The following KLHL32 variants were observed in gnomAD, a reference collection of about 807,000 sequenced individuals.
KLHL32 encodes the protein kelch like family member 32, also known as kelch-like protein 32.
Under a neutral mutation model 64.8 loss-of-function variants are expected in KLHL32, and 35 were observed. The ratio of observed to expected loss-of-function variants is 0.54; its 90% CI spans 0.41 to 0.72. The LOEUF is 0.72. Among genes scored for constraint, KLHL32 ranks in the 30% least tolerant of loss-of-function variants. KLHL32 has a pLI of 0.00. For missense variants in KLHL32, 589 were observed against 768.5 expected, an observed-to-expected ratio of 0.77 and a Z score of 2.76; for synonymous variants, 259 against 281.0, an observed-to-expected ratio of 0.92 and a Z score of 0.78.
intron 10 of KLHL32, among the ~76,000 whole-genome samples, chr6:97,135,497 G>A (rs1050222287): frequency 1.3e-5 from 2 of 151,634 alleles, no homozygotes; most frequent in Admixed American, 6.6e-5. Context: ...TAGTAGACAC[G>A]GGGTTTCACC....
chr6:97,128,531 T>G (rs542813695), intron 8 of KLHL32, among the ~76,000 whole-genome samples: 1 of 152,358 alleles, frequency 6.6e-6, no homozygotes, highest in African/African-American at 2.4e-5. Flanking sequence ...CGGTGGGTAC[T>G]GGCAAACATC....
At chr6:96,967,270 A>G (rs1582512047) in intron 2 of KLHL32, among the ~76,000 whole-genome samples, 187 bp downstream of exon 2, 1 of 152,288 alleles carries the variant, frequency 6.6e-6, no homozygotes. Context: ...TTATTTGTCA[A>G]ACCTAAATAT....
intron 3 of KLHL32, among the ~76,000 whole-genome samples, chr6:97,004,179 A>C (rs896772971): frequency 5.3e-5 from 8 of 152,040 alleles, no homozygotes; most frequent in African/African-American, 1.9e-4. Flanking sequence ...TAAATCTTGT[A>C]GAGATCTTTC....
At chr6:97,024,043 T>C (rs1465969955) in intron 3 of KLHL32, among the ~76,000 whole-genome samples, 1 of 152,228 alleles carries the variant, frequency 6.6e-6, no homozygotes, top group Non-Finnish European at 1.5e-5. Context: ...CTGTTGTCTG[T>C]GAGTAGAAGT....
At chr6:96,900,043 T>G in the KLHL32 span, among the ~76,000 whole-genome samples, 1 of 152,136 alleles carries the variant, frequency 6.6e-6, no homozygotes, top group African/African-American at 2.4e-5. Context: ...TAAACAATTA[T>G]CAAATAAAGG....
chr6:97,099,749 A>T (rs1038825279), intron 6 of KLHL32, among the ~76,000 whole-genome samples: 1 of 151,840 alleles, frequency 6.6e-6, no homozygotes, highest in African/African-American at 2.4e-5. Context: ...GATTCCTTAC[A>T]TGCTTGATTT....
chr6:96,967,940 T>A (rs1418164174), intron 2 of KLHL32, among the ~76,000 whole-genome samples: 1 of 152,194 alleles, frequency 6.6e-6, no homozygotes, highest in Non-Finnish European at 1.5e-5. Context: ...TTGAATAGTC[T>A]CACTGGAGGT....
chr6:96,902,991 G>A, the KLHL32 span, among the ~76,000 whole-genome samples: 3 of 152,096 alleles, frequency 2.0e-5, no homozygotes, highest in Non-Finnish European at 4.4e-5. Flanking sequence ...GGTTACTGTA[G>A]CCCTGTAGAA....
At chr6:97,128,650 C>A (rs1220380056) in intron 8 of KLHL32, among the ~76,000 whole-genome samples, 1 of 152,248 alleles carries the variant, frequency 6.6e-6, no homozygotes, top group African/African-American at 2.4e-5. Flanking sequence ...CCATCTGCCA[C>A]AGAGCACATT....
intron 6 of KLHL32, among the ~76,000 whole-genome samples, chr6:97,087,482 T>A (rs1367951306): frequency 6.6e-6 from 1 of 152,230 alleles, no homozygotes; most frequent in Non-Finnish European, 1.5e-5. Context: ...GCTGAATTGT[T>A]CATTACGGAA....
chr6:96,917,011 TAAC>T, the KLHL32 span, among the ~76,000 whole-genome samples: 1 of 152,166 alleles, frequency 6.6e-6, no homozygotes, highest in Non-Finnish European at 1.5e-5. Flanking sequence ...GTCAAAAACA[TAAC>T]AACAACCTTA....
intron 4 of KLHL32, among the ~76,000 whole-genome samples, chr6:97,056,231 T>G (rs375991795): frequency 1.4e-4 from 21 of 149,168 alleles, no homozygotes; most frequent in African/African-American, 4.4e-4. Flanking sequence ...TCAGCCTCCC[T>G]AGTAGCTGGG....
chr6:97,011,289 G>A (rs942977283), intron 3 of KLHL32, among the ~76,000 whole-genome samples: 2 of 152,112 alleles, frequency 1.3e-5, no homozygotes, highest in Admixed American at 1.3e-4. Flanking sequence ...GAAAATAATA[G>A]GAACCATATC....
intron 3 of KLHL32, among the ~76,000 whole-genome samples, chr6:97,008,719 A>G (rs1441055903): frequency 1.3e-5 from 2 of 152,010 alleles, no homozygotes; most frequent in African/African-American, 4.8e-5. Flanking sequence ...GGAGCCCAGG[A>G]ATGAGTCCCT....
chr6:97,010,824 T>G (rs1385226762), intron 3 of KLHL32, among the ~76,000 whole-genome samples: 1 of 152,212 alleles, frequency 6.6e-6, no homozygotes, highest in African/African-American at 2.4e-5. Context: ...TAGGCTTTCT[T>G]TTTTTCCTAA....
At chr6:96,939,418 A>T (rs975112258) in intron 1 of KLHL32, among the ~76,000 whole-genome samples, 2 of 152,184 alleles carry the variant, frequency 1.3e-5, no homozygotes, top group Non-Finnish European at 2.9e-5. Flanking sequence ...TTATCACACG[A>T]TCTCACAATT....
At chr6:97,127,040 T>G (rs1029505606) in intron 7 of KLHL32, among the ~76,000 whole-genome samples, 1 of 152,194 alleles carries the variant, frequency 6.6e-6, no homozygotes, top group Non-Finnish European at 1.5e-5. Flanking sequence ...GACAAGAATT[T>G]TCCATATAAC....
intron 6 of KLHL32, among the ~76,000 whole-genome samples, chr6:97,085,788 G>A (rs1793323399): frequency 6.6e-6 from 1 of 152,148 alleles, no homozygotes; most frequent in Admixed American, 6.5e-5. Context: ...GAGCAGCTTG[G>A]ATCTCGAATG....
rs188831097 is a variant in KLHL32, at chr6:97,042,356, G to T, written c.312+757G>T. ...TGGTATTGGAGTTATAACAGAAGCAGAATACAAAACAGAGTGGGAGAAGGA... is the reference window on the plus strand; with the variant it reads ...TGGTATTGGAGTTATAACAGAAGCATAATACAAAACAGAGTGGGAGAAGGA... On this transcript the variant is annotated intron_variant, in intron 4 of 10. Coordinates refer to ENST00000369261, the MANE Select transcript of KLHL32 (RefSeq NM_052904.4). Among the ~76,000 whole-genome samples the T allele has an allele frequency of 1.0e-3, 157 of 152,310 alleles. No homozygotes were observed. The Middle Eastern group carries it at 0.017, about 16-fold the overall frequency.
Sources: allele counts gnomAD v4.1 joint callset (sites outside exome capture counted in the v4.1 genomes callset), GRCh38; gene constraint gnomAD v4.1.1; transcripts MANE v1.5; gene names NCBI Gene and HGNC (gene_info 2026-07-23, HGNC 2026-07-21).